Variants in CCDC77 observed in about 807,000 individuals in gnomAD.
CCDC77 encodes coiled-coil domain containing 77.
CCDC77 carries 56 observed loss-of-function variants against 66.8 expected under a neutral mutation model. That is an observed-to-expected ratio of 0.84 (90% CI 0.68 to 1.05). The LOEUF is 1.05. Among genes scored for constraint, CCDC77 ranks in the 50% least tolerant of loss-of-function variants. CCDC77 has a pLI of 0.00. For synonymous variants in CCDC77, 196 were observed against 195.2 expected (o/e 1.00, Z -0.03); for missense variants, 570 against 576.8 (o/e 0.99, Z 0.12).
At chr12:415,801 T>C (rs1945244441) in intron 4 of CCDC77, among the ~76,000 whole-genome samples, 1 of 126,872 alleles carries the variant, frequency 7.9e-6, no homozygotes, top group Non-Finnish European at 1.6e-5. Flanking sequence ...CCCAGCTAAT[T>C]TTTTATTTTT....
intron 4 of CCDC77, among the ~76,000 whole-genome samples, chr12:412,754 A>G (rs1314243551): frequency 6.6e-6 from 1 of 152,148 alleles, no homozygotes; most frequent in Non-Finnish European, 1.5e-5. Flanking sequence ...ACCCTCAACC[A>G]TTATACAGCA....
chr12:428,904 A>T (rs1945589570), intron 6 of CCDC77, 39 bp downstream of exon 6: 1 of 1,325,044 alleles, frequency 7.5e-7, no homozygotes, highest in Admixed American at 1.8e-5. Context: ...GTGTGGCTTT[A>T]CAAGTCACAG....
chr12:418,596 G>A lies in CCDC77; in HGVS notation c.373G>A (p.Val125Ile). ...QVCLFQEREH[V>I]LRLYSENDRL... is the part of the protein sequence containing the mutation. ...CTGCCTCTTCCAGGAACGGGAACAT[G>A]TTTTACGCCTCTACTCAGAAAATGA... Residue 125 changes from valine (V) to isoleucine (I), a missense_variant, in exon 5 of 13, where the codon GTT becomes ATT. Coordinates refer to ENST00000239830, the MANE Select transcript of CCDC77 (RefSeq NM_032358.4). 1 of 1,614,172 alleles carries A rather than the reference G, an allele frequency of 6.2e-7. No individual in the cohort carries two copies. The highest frequency in any genetic ancestry group is 2.2e-5 in the East Asian group (1 of 44,884).
intron 5 of CCDC77, among the ~76,000 whole-genome samples, chr12:427,193 T>C (rs1226607751): frequency 2.0e-5 from 3 of 151,272 alleles, no homozygotes; most frequent in East Asian, 2.0e-4. Context: ...TGCGGTGAGC[T>C]GAGATCATGC....
At chr12:393,262 C>G (rs138012083) in intron 1 of CCDC77, among the ~76,000 whole-genome samples, 208 of 152,110 alleles carry the variant, frequency 1.4e-3, no homozygotes, top group African/African-American at 4.9e-3. Context: ...AGGTGTGCAT[C>G]GTTATGCCCA....
rs1945466487 is a variant in CCDC77, at chr12:423,487, T to TA, written c.413+4851_413+4852insA. Among the ~76,000 whole-genome samples the TA allele has an allele frequency of 6.3e-5, 2 of 31,626 alleles. 1 individual carries two copies. 20.7% of individuals were successfully genotyped at this position (31,626 alleles called of 152,430 possible). Reference sequence around the variant, plus strand: ...TTTTTTGTGTTTTTTGTGTTTTTTTTTGTTTTGTTTTTTTTTTTTTTTTTT... The same window carrying TA: ...TTTTTTGTGTTTTTTGTGTTTTTTTTATGTTTTGTTTTTTTTTTTTTTTTTT... On this transcript the variant is annotated intron_variant, in intron 5 of 12. Coordinates refer to ENST00000239830, the MANE Select transcript of CCDC77 (RefSeq NM_032358.4).
Position 442,022 on chromosome 12 carries a change from A to T in CCDC77, c.*102A>T. 1 of 1,236,566 alleles carries T rather than the reference A, an allele frequency of 8.1e-7. No individual in the cohort carries two copies. The highest frequency in any genetic ancestry group is 1.2e-6 in the Non-Finnish European group (1 of 862,848). The allele number at this position is 1,236,566 out of a possible 1,614,324, so 76.6% of individuals were successfully genotyped here. A position where few individuals can be genotyped will look rare whatever the true frequency, so the allele number is the denominator to read the frequency against. ...GAAAATGTAAACCTGAGTTGACTAGAGTGGTGGTATTCATTATTGTAAAGA... is the reference window on the plus strand; with the variant it reads ...GAAAATGTAAACCTGAGTTGACTAGTGTGGTGGTATTCATTATTGTAAAGA... On this transcript the variant is annotated 3_prime_UTR_variant, in exon 13 of 13. Coordinates refer to ENST00000239830, the MANE Select transcript of CCDC77 (RefSeq NM_032358.4).
intron 5 of CCDC77, 86 bp from the exon 6 acceptor site, chr12:428,683 A>AG (rs1388508822): frequency 2.3e-6 from 2 of 875,562 alleles, no homozygotes; most frequent in East Asian, 5.3e-5. Flanking sequence ...TTTAAAAAAA[A>AG]AATAGAAGGG....
chr12:431,980 A>G (rs768238109), intron 8 of CCDC77, 26 bp downstream of exon 8: 3 of 1,471,478 alleles, frequency 2.0e-6, no homozygotes, highest in East Asian at 4.5e-5. Context: ...TGGCAGACCA[A>G]GATGGCTTTT....
chr12:416,363 G>GTATA (rs1945269259), intron 4 of CCDC77, among the ~76,000 whole-genome samples: 1 of 44,196 alleles, frequency 2.3e-5, no homozygotes, highest in Non-Finnish European at 4.0e-5. Context: ...GTGTGTGTGT[G>GTATA]TGTGTGTGTG....
chr12:409,500 G>A, intron 3 of CCDC77, 79 bp downstream of exon 3: 2 of 1,313,530 alleles, frequency 1.5e-6, no homozygotes, highest in South Asian at 1.2e-5. Flanking sequence ...AACTGGAAAG[G>A]TATTGGAAAC....
intron 6 of CCDC77, 23 bp downstream of exon 6, chr12:428,888 T>C: frequency 6.8e-7 from 1 of 1,471,330 alleles, no homozygotes; most frequent in Non-Finnish European, 9.5e-7. Flanking sequence ...TGGTGTAGCA[T>C]GGTGAGTGTG....
At position 433,227 on chromosome 12, in the gene CCDC77, A is replaced by T. The variant is rs150836970; in HGVS notation, c.726A>T (p.Gln242His). 2,982 of 1,614,066 alleles carry T rather than the reference A, an allele frequency of 1.8e-3. 7 individuals are homozygous for T. The highest frequency in any genetic ancestry group is 2.1e-3 in the Middle Eastern group (13 of 6,062). ...LGEQTKLSRE[Q>H]IEGLIEDRRI... ...AGCAGACCAAACTTTCTCGAGAACA[A>T]ATTGAAGGGCTCATCGAGGACAGAC... is the stretch of plus-strand genomic sequence containing the variant. The change falls in exon 9 of 13, where the codon CAA becomes CAT. Residue 242 changes from glutamine to histidine, a missense_variant. Gln to His is a conservative substitution (Grantham distance 24). Coordinates refer to ENST00000239830, the MANE Select transcript of CCDC77 (RefSeq NM_032358.4).
chr12:407,860 T>A (rs2137541527), intron 2 of CCDC77, among the ~76,000 whole-genome samples: 1 of 134,618 alleles, frequency 7.4e-6, no homozygotes, highest in South Asian at 2.5e-4. Context: ...CAATCTCGGC[T>A]CACTGCGACC....
intron 9 of CCDC77, among the ~76,000 whole-genome samples, chr12:434,165 A>G (rs1945703734): frequency 6.6e-6 from 1 of 151,958 alleles, no homozygotes; most frequent in Non-Finnish European, 1.5e-5. Flanking sequence ...CATACTTTAA[A>G]AAAAAAAGGT....
At chr12:439,128 A>G (rs191452669) in intron 10 of CCDC77, among the ~76,000 whole-genome samples, 72 of 152,286 alleles carry the variant, frequency 4.7e-4, no homozygotes, top group Non-Finnish European at 4.4e-5. Flanking sequence ...ACTATGGGTT[A>G]GGCCCTAGAG....
chr12:404,604 A>C (rs1276926346), intron 1 of CCDC77, among the ~76,000 whole-genome samples: 1 of 152,198 alleles, frequency 6.6e-6, no homozygotes, highest in Non-Finnish European at 1.5e-5. Flanking sequence ...CCCGTCTTGC[A>C]GCCAGAGAGG....
chr12:441,589 T>C (rs989435610), intron 12 of CCDC77, among the ~76,000 whole-genome samples, 185 bp from the exon 13 acceptor site: 4 of 152,194 alleles, frequency 2.6e-5, no homozygotes, highest in African/African-American at 9.6e-5. Context: ...AGGATTTTCA[T>C]GAGATTTCTG....
At chr12:419,055 T>A (rs1370858817) in intron 5 of CCDC77, among the ~76,000 whole-genome samples, 1 of 152,192 alleles carries the variant, frequency 6.6e-6, no homozygotes, top group African/African-American at 2.4e-5. Context: ...TAGGTTGTAT[T>A]CTCTAGGAAG....
Sources: allele counts gnomAD v4.1 joint callset (sites outside exome capture counted in the v4.1 genomes callset), GRCh38; gene constraint gnomAD v4.1.1; transcripts MANE v1.5; gene names NCBI Gene and HGNC (gene_info 2026-07-23, HGNC 2026-07-21).